Variants in CCDC91 observed in about 807,000 individuals in gnomAD.
The protein encoded by CCDC91 is coiled-coil domain containing 91.
CCDC91 carries 48 observed loss-of-function variants against 63.2 expected under a neutral mutation model. The observed-to-expected ratio is 0.76, with a 90% CI of 0.60 to 0.97. The LOEUF (loss-of-function observed/expected upper bound fraction) is 0.97. Among genes scored for constraint, CCDC91 ranks in the 50% least tolerant of loss-of-function variants. The probability of loss-of-function intolerance (pLI) is 0.00; values close to 1 mark genes in which losing one functional copy is unlikely to be tolerated. For synonymous variants in CCDC91, 167 were observed against 165.8 expected, an observed-to-expected ratio of 1.01 and a Z score of -0.06; for missense variants, 500 against 494.6, an observed-to-expected ratio of 1.01 and a Z score of -0.10.
At chr12:28,345,048 T>C (rs1029350479) in intron 6 of CCDC91, among the ~76,000 whole-genome samples, 1 of 152,122 alleles carries the variant, frequency 6.6e-6, no homozygotes, top group East Asian at 1.9e-4. Flanking sequence ...GTTAATAATA[T>C]ATTTTTTGAA....
chr12:28,545,928 TTATC>T (rs1369519008), intron 12 of CCDC91, among the ~76,000 whole-genome samples: 1 of 152,124 alleles, frequency 6.6e-6, no homozygotes, highest in Non-Finnish European at 1.5e-5. Context: ...AGTTTCTCAT[TTATC>T]TAGCTTCTAA....
intron 11 of CCDC91, among the ~76,000 whole-genome samples, chr12:28,458,527 G>T (rs7297497): frequency 1 from 139,458 of 139,458 alleles, 69,729 homozygotes; most frequent in Non-Finnish European, 1. Context: ...TGGATTGCAG[G>T]GGTGCTATCT....
In CCDC91 at chr12:28,409,781, A is replaced by AT. The variant is rs532909404; in HGVS notation, c.762+18378dup. Among the ~76,000 whole-genome samples, 170 of 151,680 alleles carry AT rather than the reference A, an allele frequency of 1.1e-3. 1 individual carries two copies. Among genetic ancestry groups the AT allele is most frequent in the African/African-American group, 3.0e-3 (124 of 41,386 alleles). On this transcript the variant is annotated intron_variant, in intron 8 of 12. Coordinates refer to ENST00000536442, the MANE Select transcript of CCDC91 (RefSeq NM_018318.5). ...AAAATACTTTTAAATTTATCTTTTG[A>AT]TTTTTTTTAACCACTAGGTTATTTA...
At chr12:28,410,502 T>A (rs560984846) in intron 8 of CCDC91, among the ~76,000 whole-genome samples, 66 of 152,104 alleles carry the variant, frequency 4.3e-4, no homozygotes, top group African/African-American at 1.5e-3. Context: ...ATTGTGTGTA[T>A]GTGTTTTTTG....
intron 8 of CCDC91, among the ~76,000 whole-genome samples, chr12:28,410,199 A>G (rs959069103): frequency 2.6e-5 from 4 of 152,146 alleles, no homozygotes; most frequent in Non-Finnish European, 4.4e-5. Context: ...TAGTTTTGAC[A>G]CACTTATATT....
chr12:28,305,845 T>TA (rs1200822090), intron 4 of CCDC91, 39 bp downstream of exon 4: 1 of 1,508,518 alleles, frequency 6.6e-7, no homozygotes, highest in Non-Finnish European at 9.0e-7. Flanking sequence ...TTTGCATATT[T>TA]AAAAAATTGC....
chr12:28,227,631 A>G (rs1348513373), intron 1 of CCDC91, among the ~76,000 whole-genome samples: 5 of 152,090 alleles, frequency 3.3e-5, no homozygotes, highest in Non-Finnish European at 5.9e-5. Flanking sequence ...TACTGAAGGT[A>G]GAAACCGATG....
rs183341375 is a variant in CCDC91, at chr12:28,306,930, A to G, written c.456A>G (p.Lys152=). The change falls in exon 5 of 13, where the codon AAA becomes AAG. Residue 152 remains lysine (K), a synonymous_variant. Transcript: ENST00000536442. The part of the protein sequence containing the change: ...EIKLKVSEEE[K]QRIKQDVESL... ...AACTCAAAGTATCTGAAGAAGAAAA[A>G]CAGAGAATTAAACAGGTATATTTAC... 1.2e-6 allele frequency: 2 copies of G among 1,603,622 alleles called. No individual in the cohort carries two copies. The highest frequency in any genetic ancestry group is 2.7e-5 in the African/African-American group (2 of 74,622).
chr12:28,331,070 C>G (rs11049536), intron 6 of CCDC91, among the ~76,000 whole-genome samples: 1 of 152,076 alleles, frequency 6.6e-6, no homozygotes, highest in Non-Finnish European at 1.5e-5. Context: ...AATAAGATAT[C>G]TAAGACAAAG....
intron 12 of CCDC91, among the ~76,000 whole-genome samples, chr12:28,543,720 C>G (rs1942794636): frequency 6.6e-6 from 1 of 152,022 alleles, no homozygotes; most frequent in Non-Finnish European, 1.5e-5. Context: ...ACCCCTATAT[C>G]TGACATCTCC....
intron 6 of CCDC91, among the ~76,000 whole-genome samples, chr12:28,309,742 A>T (rs766824033): frequency 6.6e-5 from 10 of 152,064 alleles, no homozygotes; most frequent in Non-Finnish European, 1.0e-4. Context: ...AGTCAGATTA[A>T]CTTTTTGAAA....
In CCDC91 at chr12:28,234,100, A is replaced by G. The variant is rs190045875; in HGVS notation, c.-14-23102A>G. 2.6e-5 allele frequency among the ~76,000 whole-genome samples: 4 copies of G among 152,266 alleles called. 1 individual carries two copies. Among genetic ancestry groups the G allele is most frequent in the South Asian group, 2.1e-4 (1 of 4,832 alleles). On this transcript the variant is annotated intron_variant, in intron 1 of 12. Coordinates refer to ENST00000536442, the MANE Select transcript of CCDC91 (RefSeq NM_018318.5). ...GCATTTTTCAAAAAGGGATTATAATATTAGCTCCTTTATCCATTTAAATTG... is the reference window on the plus strand; with the variant it reads ...GCATTTTTCAAAAAGGGATTATAATGTTAGCTCCTTTATCCATTTAAATTG...
chr12:28,513,457 A>G (rs1344982039), intron 12 of CCDC91, among the ~76,000 whole-genome samples: 1 of 151,912 alleles, frequency 6.6e-6, no homozygotes, highest in East Asian at 1.9e-4. Context: ...TATGTTGCTC[A>G]AAGAGAATCC....
chr12:28,366,305 C>T lies in CCDC91; in HGVS notation c.654+3790C>T, dbSNP rs115631942. Among the ~76,000 whole-genome samples the T allele has an allele frequency of 6.0e-3, 916 of 152,210 alleles. 10 individuals are homozygous for T. The highest frequency in any genetic ancestry group is 0.021 in the African/African-American group (879 of 41,546). On this transcript the variant is annotated intron_variant, in intron 7 of 12. Transcript: ENST00000536442. ...GATTTTCTTTTTACCCTTTTTGTCC[C>T]ACTAAAGCACTGGAGAAGTGAGTAA... is the stretch of plus-strand genomic sequence containing the variant.
intron 3 of CCDC91, among the ~76,000 whole-genome samples, chr12:28,280,799 T>C (rs1948556080): frequency 6.9e-6 from 1 of 143,948 alleles, no homozygotes; most frequent in South Asian, 2.3e-4. Context: ...TGCAACATAG[T>C]GAGACCGCGT....
chr12:28,470,970 A>G (rs147827420), intron 11 of CCDC91, among the ~76,000 whole-genome samples: 6 of 152,308 alleles, frequency 3.9e-5, no homozygotes, highest in African/African-American at 1.4e-4. Flanking sequence ...AATGAAAAAT[A>G]GAAATGAAAA....
intron 8 of CCDC91, among the ~76,000 whole-genome samples, chr12:28,416,781 T>C (rs10843164): frequency 0.22 from 33,079 of 152,004 alleles, 4,336 homozygotes; most frequent in Non-Finnish European, 0.3. Flanking sequence ...AGAGTCTGAC[T>C]GAAGATTTTG....
intron 8 of CCDC91, among the ~76,000 whole-genome samples, chr12:28,443,164 A>G (rs1448380233): frequency 6.6e-6 from 1 of 151,430 alleles, no homozygotes; most frequent in Non-Finnish European, 1.5e-5. Flanking sequence ...TTAATGAATT[A>G]TCTGTTATGA....
At chr12:28,291,799 T>A (rs1330646159) in intron 3 of CCDC91, among the ~76,000 whole-genome samples, 3 of 152,158 alleles carry the variant, frequency 2.0e-5, no homozygotes, top group Non-Finnish European at 2.9e-5. Flanking sequence ...ACCTTTCCAG[T>A]TTGCTTCAAA....
Sources: gnomAD v4.1 joint callset for allele counts (sites outside exome capture counted in the v4.1 genomes callset) on GRCh38, gnomAD v4.1.1 for gene constraint, MANE v1.5 for transcripts, NCBI Gene and HGNC (gene_info 2026-07-23, HGNC 2026-07-21) for gene names.